The following ZCWPW1 variants were observed in gnomAD, a reference collection of about 807,000 sequenced individuals.
The protein encoded by ZCWPW1 is zinc finger CW-type and PWWP domain containing 1, also known as zinc finger CW-type PWWP domain protein 1.
ZCWPW1 carries 56 observed loss-of-function variants against 81.3 expected under a neutral mutation model. That is an observed-to-expected ratio of 0.69 (90% CI 0.56 to 0.86). ZCWPW1 has a LOEUF of 0.86. Ranked by LOEUF, ZCWPW1 falls within the 40% of genes least tolerant of loss-of-function variation. ZCWPW1 has a pLI of 0.00. For synonymous variants in ZCWPW1, 250 were observed against 273.7 expected (o/e 0.91, Z 0.86); for missense variants, 650 against 769.8 (o/e 0.84, Z 1.84).
intron 8 of ZCWPW1, among the ~76,000 whole-genome samples, chr7:100,413,614 T>A (rs1357282048): frequency 1.3e-5 from 2 of 152,242 alleles, no homozygotes; most frequent in Non-Finnish European, 2.9e-5. Context: ...GGAAGAATGG[T>A]TTATTTATAG....
chr7:100,419,958 T>C, intron 3 of ZCWPW1, 75 bp from the exon 4 acceptor site: 1 of 1,219,860 alleles, frequency 8.2e-7, no homozygotes, highest in Non-Finnish European at 1.2e-6. Context: ...ACCCTTTGAC[T>C]AGCCATAACA....
intron 3 of ZCWPW1, among the ~76,000 whole-genome samples, chr7:100,420,346 A>C (rs1202025831): frequency 6.6e-6 from 1 of 152,180 alleles, no homozygotes; most frequent in Non-Finnish European, 1.5e-5. Context: ...TCTTTCTTTG[A>C]GCTTCCTTAA....
In ZCWPW1 at chr7:100,416,105, GA is replaced by G; in HGVS notation, c.632-9del. On this transcript the variant is annotated splice_polypyrimidine_tract_variant and intron_variant, in intron 7 of 17. Transcript: ENST00000684423. ...TCTCCACCTTCTCATCTTCTGGGAA[GA>G]AAAAAGAAAACGTGAGGTGGGGAGA... The G allele has an allele frequency of 6.2e-7, 1 of 1,612,166 alleles. No homozygotes were observed. Among genetic ancestry groups the G allele is most frequent in the Non-Finnish European group, 8.5e-7 (1 of 1,179,648 alleles).
chr7:100,421,491 A>C (rs970179122), intron 2 of ZCWPW1, among the ~76,000 whole-genome samples: 1 of 152,200 alleles, frequency 6.6e-6, no homozygotes, highest in African/African-American at 2.4e-5. Context: ...TCCTCAGTCC[A>C]ATCAATTTTC....
At chr7:100,427,063 C>T (rs1584304173) in intron 1 of ZCWPW1, among the ~76,000 whole-genome samples, 1 of 12,358 alleles carries the variant, frequency 8.1e-5, no homozygotes, top group Non-Finnish European at 1.6e-4. Flanking sequence ...CTTATCCTTC[C>T]CTCCCTCTCT....
At chr7:100,418,056 TA>T (rs1795663824) in intron 5 of ZCWPW1, among the ~76,000 whole-genome samples, 1 of 152,038 alleles carries the variant, frequency 6.6e-6, no homozygotes, top group East Asian at 1.9e-4. Flanking sequence ...GGCTAATTTT[TA>T]TATTTTTAGT....
chr7:100,415,907 T>C, intron 8 of ZCWPW1, 68 bp downstream of exon 8: 1 of 1,602,716 alleles, frequency 6.2e-7, no homozygotes. Context: ...TCTAACATCC[T>C]AACCCTGCCT....
At chr7:100,425,624 G>T (rs1008599451) in intron 1 of ZCWPW1, among the ~76,000 whole-genome samples, 1 of 152,098 alleles carries the variant, frequency 6.6e-6, no homozygotes, top group African/African-American at 2.4e-5. Context: ...GTATTAAGCT[G>T]GATTTTCTCA....
At chr7:100,424,571 C>T (rs946754100) in intron 2 of ZCWPW1, among the ~76,000 whole-genome samples, 4 of 152,076 alleles carry the variant, frequency 2.6e-5, no homozygotes, top group Non-Finnish European at 5.9e-5. Flanking sequence ...AAGCGATTCT[C>T]CTGCCTCAGC....
intron 5 of ZCWPW1, chr7:100,417,409 T>C (rs1795484002): frequency 2.2e-6 from 1 of 464,728 alleles, no homozygotes; most frequent in South Asian, 3.2e-5. Context: ...CAGGTAATGA[T>C]AATTTTGTGT....
chr7:100,401,245 C>T lies in ZCWPW1; in HGVS notation c.1719G>A (p.Leu573=), dbSNP rs775501547. 1 of 1,614,188 alleles carries T rather than the reference C, an allele frequency of 6.2e-7. No individual in the cohort carries two copies. The highest frequency in any genetic ancestry group is 8.5e-7 in the Non-Finnish European group (1 of 1,180,026). Residue 573 remains leucine, a synonymous_variant, in exon 18 of 18, where the codon CTG becomes CTA. Coordinates refer to ENST00000684423, the MANE Select transcript of ZCWPW1 (RefSeq NM_001386010.1). ...AGGCCCCCTTACACGCTGATAGGCC[C>T]AGGTTCTTTGGCACTGTTCTAACTT... ...GKEVRTVPKN[L]GLSACKGACP...
intron 15 of ZCWPW1, among the ~76,000 whole-genome samples, chr7:100,403,025 A>C (rs561972702): frequency 2.0e-5 from 3 of 152,230 alleles, no homozygotes; most frequent in African/African-American, 7.2e-5. Flanking sequence ...TATACTCAAG[A>C]AAGAAGTTCC....
At chr7:100,427,349 A>G (rs186274214) in intron 1 of ZCWPW1, among the ~76,000 whole-genome samples, 213 of 150,556 alleles carry the variant, frequency 1.4e-3, no homozygotes, top group African/African-American at 5.0e-3. Context: ...GATCACCTTA[A>G]GTCAGGAGTT....
intron 3 of ZCWPW1, 143 bp downstream of exon 3, chr7:100,420,479 A>T: frequency 1.1e-6 from 1 of 893,250 alleles, no homozygotes; most frequent in Non-Finnish European, 1.8e-6. Context: ...TATTTATTTC[A>T]CTCAAAGCAT....
chr7:100,417,289 GCCTA>G (rs1195478354), intron 5 of ZCWPW1, 106 bp from the exon 6 acceptor site: 8 of 744,712 alleles, frequency 1.1e-5, no homozygotes, highest in Non-Finnish European at 1.3e-5. Context: ...GCCTGAAAGA[GCCTA>G]CCTGTCATAT....
chr7:100,414,463 T>C (rs1794798343), intron 8 of ZCWPW1, among the ~76,000 whole-genome samples: 2 of 152,182 alleles, frequency 1.3e-5, no homozygotes, highest in Admixed American at 1.3e-4. Flanking sequence ...TCACCAAGGC[T>C]GGAGGGCAGT....
At chr7:100,424,216 T>G (rs1244411766) in intron 2 of ZCWPW1, among the ~76,000 whole-genome samples, 2 of 152,096 alleles carry the variant, frequency 1.3e-5, no homozygotes, top group Admixed American at 1.3e-4. Flanking sequence ...ACGGCTATGC[T>G]AAGTGAGAAA....
Position 100,405,055 on chromosome 7 carries a change from C to T in ZCWPW1, c.1212G>A (p.Val404=), listed in dbSNP as rs1322072654. Reference sequence around the variant, plus strand: ...CTGCCTCTTGAGCCATCATCAGGGCCACCCCCAGTTTCTGGCTGCAGTCAT... The same window carrying T: ...CTGCCTCTTGAGCCATCATCAGGGCTACCCCCAGTTTCTGGCTGCAGTCAT... The part of the protein sequence containing the change: ...RRNDCSQKLG[V]ALMMAQEAEQ... The change falls in exon 13 of 18, where the codon GTG becomes GTA. Residue 404 remains valine (V), a synonymous_variant. Coordinates refer to ENST00000684423, the MANE Select transcript of ZCWPW1 (RefSeq NM_001386010.1). 2 of 1,613,630 alleles carry T rather than the reference C, an allele frequency of 1.2e-6. No individual in the cohort carries two copies. The highest frequency in any genetic ancestry group is 8.5e-7 in the Non-Finnish European group (1 of 1,179,822).
At chr7:100,401,694 T>C (rs1791931441) in intron 17 of ZCWPW1, among the ~76,000 whole-genome samples, 195 bp downstream of exon 17, 1 of 152,246 alleles carries the variant, frequency 6.6e-6, no homozygotes, top group Non-Finnish European at 1.5e-5. Flanking sequence ...CTCCTGCCCC[T>C]GGGCCAAATC....
Sources: gnomAD v4.1 joint callset for allele counts (sites outside exome capture counted in the v4.1 genomes callset) on GRCh38, gnomAD v4.1.1 for gene constraint, MANE v1.5 for transcripts, NCBI Gene and HGNC (gene_info 2026-07-23, HGNC 2026-07-21) for gene names.